Variants in TENM3 observed in about 807,000 individuals in gnomAD.
TENM3 encodes teneurin transmembrane protein 3.
Under a neutral mutation model 255.1 loss-of-function variants are expected in TENM3, and 63 were observed. That is an observed-to-expected ratio of 0.25 (90% CI 0.20 to 0.30). TENM3 has a LOEUF of 0.30. Ranked by LOEUF, TENM3 falls within the 10% of genes least tolerant of loss-of-function variation. TENM3 has a pLI of 1.00. For missense variants in TENM3, 2,929 were observed against 3,461.1 expected (o/e 0.85, Z 3.86); for synonymous variants, 1,306 against 1,322.3 (o/e 0.99, Z 0.27).
upstream of TENM3, among the ~76,000 whole-genome samples, chr4:182,241,792 C>T (rs748337537): frequency 5.9e-5 from 9 of 152,056 alleles, no homozygotes; most frequent in South Asian, 2.1e-4. Flanking sequence ...CAGGCATGAG[C>T]CACTGGGCCC....
intron 1 of TENM3, among the ~76,000 whole-genome samples, chr4:182,175,850 G>A (rs1014607476): frequency 2.6e-5 from 4 of 152,162 alleles, no homozygotes; most frequent in Non-Finnish European, 5.9e-5. Flanking sequence ...GCGGAACACT[G>A]GGATGATGGC....
At chr4:182,636,551 A>G (rs1751856255) in intron 5 of TENM3, among the ~76,000 whole-genome samples, 1 of 151,988 alleles carries the variant, frequency 6.6e-6, no homozygotes, top group African/African-American at 2.4e-5. Flanking sequence ...CCCCATCTCT[A>G]CTAGAAACAC....
chr4:181,593,148 A>G, the TENM3 span, among the ~76,000 whole-genome samples: 12 of 152,328 alleles, frequency 7.9e-5, no homozygotes, highest in African/African-American at 2.9e-4. Context: ...CACTTCTTAT[A>G]CAAACCAAAC....
At chr4:182,740,245 G>T (rs146009872) in intron 18 of TENM3, among the ~76,000 whole-genome samples, 1 of 152,302 alleles carries the variant, frequency 6.6e-6, no homozygotes, top group African/African-American at 2.4e-5. Flanking sequence ...AAACAGAGCG[G>T]ATAACTAGTG....
the TENM3 span, among the ~76,000 whole-genome samples, chr4:181,581,001 G>GC: frequency 1.3e-5 from 2 of 152,172 alleles, no homozygotes; most frequent in East Asian, 3.8e-4. Flanking sequence ...TTCCTTGAAA[G>GC]CCCAGGGCAT....
At chr4:181,624,618 A>T in the TENM3 span, among the ~76,000 whole-genome samples, 4 of 152,222 alleles carry the variant, frequency 2.6e-5, no homozygotes, top group African/African-American at 9.6e-5. Context: ...TTATAAAATT[A>T]AGAGGAATAA....
the TENM3 span, among the ~76,000 whole-genome samples, chr4:181,719,691 G>T: frequency 9.9e-5 from 15 of 152,136 alleles, no homozygotes; most frequent in Non-Finnish European, 2.1e-4. Flanking sequence ...GAATTTGGGG[G>T]GATTCAAACA....
At chr4:181,772,539 G>A in the TENM3 span, among the ~76,000 whole-genome samples, 1 of 152,236 alleles carries the variant, frequency 6.6e-6, no homozygotes, top group South Asian at 2.1e-4. Flanking sequence ...TTAATGTGTT[G>A]TAACAACTAA....
intron 5 of TENM3, 46 bp downstream of exon 5, chr4:182,628,935 T>TA (rs2152470111): frequency 8.9e-7 from 1 of 1,121,360 alleles, no homozygotes; most frequent in East Asian, 2.5e-5. Context: ...ATCAGGGTGT[T>TA]ACATTGTTTT....
intron 27 of TENM3, among the ~76,000 whole-genome samples, chr4:182,798,036 A>AT (rs966147014): frequency 5.3e-5 from 8 of 151,770 alleles, no homozygotes; most frequent in East Asian, 3.9e-4. Context: ...TATCATATAT[A>AT]TTTTTTTTTA....
chr4:182,300,918 A>C (rs967963465), intron 1 of TENM3, among the ~76,000 whole-genome samples: 5 of 151,894 alleles, frequency 3.3e-5, no homozygotes, highest in African/African-American at 9.7e-5. Flanking sequence ...AAGACCTTTG[A>C]CCTCTCTTAG....
At chr4:181,784,478 A>G in the TENM3 span, among the ~76,000 whole-genome samples, 19 of 152,142 alleles carry the variant, frequency 1.2e-4, no homozygotes, top group African/African-American at 3.6e-4. Context: ...TCTCCATTTT[A>G]TATTCACAAG....
chr4:181,686,701 A>G, the TENM3 span, among the ~76,000 whole-genome samples: 1 of 152,124 alleles, frequency 6.6e-6, no homozygotes, highest in African/African-American at 2.4e-5. Context: ...TTTTGAAGTA[A>G]TTGTTTTCAT....
the TENM3 span, among the ~76,000 whole-genome samples, chr4:181,860,749 A>G: frequency 6.6e-6 from 1 of 152,190 alleles, no homozygotes; most frequent in South Asian, 2.1e-4. Flanking sequence ...AACTTAAACA[A>G]AGCTGCTAAT....
the TENM3 span, among the ~76,000 whole-genome samples, chr4:181,782,448 T>A: frequency 2.0e-5 from 3 of 152,374 alleles, no homozygotes; most frequent in Admixed American, 6.5e-5. Context: ...TTCGTATTTC[T>A]GTGGGATCGG....
intron 1 of TENM3, among the ~76,000 whole-genome samples, chr4:182,247,465 C>T (rs1232080003): frequency 6.6e-6 from 1 of 152,182 alleles, no homozygotes; most frequent in East Asian, 1.9e-4. Context: ...TAGAAGGAAG[C>T]ACTTTAACCC....
intron 3 of TENM3, among the ~76,000 whole-genome samples, 191 bp downstream of exon 3, chr4:182,347,120 GA>G (rs568982197): frequency 7.1e-4 from 105 of 148,380 alleles, no homozygotes; most frequent in East Asian, 6.1e-3. Context: ...TTTTTTCCTG[GA>G]AAAAAAAATC....
the TENM3 span, among the ~76,000 whole-genome samples, chr4:181,882,079 T>C: frequency 4.6e-5 from 7 of 152,278 alleles, no homozygotes; most frequent in African/African-American, 1.4e-4. Context: ...TTCAAGGTTT[T>C]AGTAAAAAGA....
chr4:181,939,420 A>G, the TENM3 span, among the ~76,000 whole-genome samples: 1 of 152,220 alleles, frequency 6.6e-6, no homozygotes, highest in African/African-American at 2.4e-5. Flanking sequence ...CTCCATGGGA[A>G]ACAGGCCAGG....
Sources: gnomAD v4.1 joint callset for allele counts (sites outside exome capture counted in the v4.1 genomes callset) on GRCh38, gnomAD v4.1.1 for gene constraint, MANE v1.5 for transcripts, NCBI Gene and HGNC (gene_info 2026-07-23, HGNC 2026-07-21) for gene names.